DLEU7: variants seen among roughly 807,000 people sequenced by gnomAD.
DLEU7 encodes deleted in lymphocytic leukemia 7.
In DLEU7, 17 loss-of-function variants were observed where a neutral mutation model predicts 16.0. The observed-to-expected ratio is 1.06, with a 90% CI of 0.73 to 1.59. The LOEUF is 1.59. Ranked by LOEUF, DLEU7 falls within the 40% of genes most tolerant of loss-of-function variation. The pLI is 0.00. For synonymous variants in DLEU7, 113 were observed against 139.8 expected (o/e 0.81, Z 1.35); for missense variants, 308 against 314.9 (o/e 0.98, Z 0.17).
At chr13:50,807,643 G>A (rs1020297057) in intron 1 of DLEU7, among the ~76,000 whole-genome samples, 2 of 152,054 alleles carry the variant, frequency 1.3e-5, no homozygotes, top group African/African-American at 4.8e-5. Context: ...GTAAGGGGAA[G>A]AAAGAGGGAA....
chr13:50,789,363 A>G (rs538852111), intron 1 of DLEU7, among the ~76,000 whole-genome samples: 11 of 148,946 alleles, frequency 7.4e-5, no homozygotes, highest in African/African-American at 2.7e-4. Flanking sequence ...GACCTACACA[A>G]TGCAAACATT....
chr13:50,835,687 G>A (rs959907429), intron 1 of DLEU7, among the ~76,000 whole-genome samples: 13 of 152,186 alleles, frequency 8.5e-5, no homozygotes, highest in African/African-American at 2.9e-4. Flanking sequence ...CCTCAGCTCT[G>A]TTCTCTCCTA....
chr13:50,776,900 A>G (rs1468481861), intron 1 of DLEU7, among the ~76,000 whole-genome samples: 2 of 152,184 alleles, frequency 1.3e-5, no homozygotes, highest in Non-Finnish European at 2.9e-5. Context: ...TTGGTGGCTT[A>G]TAGGTTTTGC....
intron 1 of DLEU7, among the ~76,000 whole-genome samples, chr13:50,824,127 C>T (rs995177587): frequency 1.3e-5 from 2 of 152,140 alleles, no homozygotes; most frequent in Admixed American, 6.6e-5. Context: ...TCACTGTGTT[C>T]GGTAGTTCAG....
At chr13:50,823,929 T>G (rs964715359) in intron 1 of DLEU7, among the ~76,000 whole-genome samples, 2 of 152,208 alleles carry the variant, frequency 1.3e-5, no homozygotes, top group Non-Finnish European at 2.9e-5. Context: ...AGAGCCAGAT[T>G]CTAATCTAAT....
chr13:50,829,605 G>A (rs530227672), intron 1 of DLEU7, among the ~76,000 whole-genome samples: 1 of 152,270 alleles, frequency 6.6e-6, no homozygotes, highest in African/African-American at 2.4e-5. Flanking sequence ...GGGCTGTACT[G>A]GTCCCTGAGG....
At chr13:50,752,402 C>T (rs1874596908) in intron 1 of DLEU7, among the ~76,000 whole-genome samples, 2 of 151,298 alleles carry the variant, frequency 1.3e-5, no homozygotes, top group African/African-American at 2.4e-5. Flanking sequence ...TTCCACTTAG[C>T]ACCACCTTTG....
chr13:50,816,499 C>T (rs1167711021), intron 1 of DLEU7, among the ~76,000 whole-genome samples: 1 of 152,002 alleles, frequency 6.6e-6, no homozygotes, highest in Non-Finnish European at 1.5e-5. Context: ...GAATAGTTAG[C>T]CATAAAAACA....
intron 1 of DLEU7, among the ~76,000 whole-genome samples, chr13:50,750,209 T>C (rs971533036): frequency 2.6e-5 from 4 of 152,200 alleles, no homozygotes; most frequent in Non-Finnish European, 2.9e-5. Context: ...CCCCATTTTA[T>C]GTTTTTGTTT....
chr13:50,787,942 C>T (rs1194576805), intron 1 of DLEU7, among the ~76,000 whole-genome samples: 3 of 152,184 alleles, frequency 2.0e-5, no homozygotes. Context: ...CTGATGGATC[C>T]TCTGCTGTGA....
At chr13:50,835,960 C>T (rs1173921059) in intron 1 of DLEU7, among the ~76,000 whole-genome samples, 1 of 152,238 alleles carries the variant, frequency 6.6e-6, no homozygotes, top group Non-Finnish European at 1.5e-5. Context: ...CTGAAACCAA[C>T]ACCAGTGGAT....
intron 1 of DLEU7, among the ~76,000 whole-genome samples, chr13:50,825,145 T>G (rs2137803559): frequency 6.6e-6 from 1 of 152,272 alleles, no homozygotes; most frequent in East Asian, 1.9e-4. Context: ...AGTCAAATAA[T>G]TAGTCATCCT....
chr13:50,796,485 A>G (rs1053281417), intron 1 of DLEU7, among the ~76,000 whole-genome samples: 5 of 152,168 alleles, frequency 3.3e-5, no homozygotes, highest in African/African-American at 1.2e-4. Context: ...TCATCATGCT[A>G]CCAGAATGGC....
At chr13:50,711,065 A>C (rs778255095), downstream of DLEU7, 5 of 152,208 alleles carry the variant, frequency 3.3e-5, no homozygotes, top group African/African-American at 1.2e-4. Context: ...ATATATTTTT[A>C]AATTTCCATA....
chr13:50,775,456 C>G (rs1213209208), intron 1 of DLEU7, among the ~76,000 whole-genome samples: 2 of 152,208 alleles, frequency 1.3e-5, no homozygotes, highest in Admixed American at 1.3e-4. Context: ...TCCAAACTGT[C>G]TGCCTGCATT....
At chr13:50,760,492 G>A (rs1297165054) in intron 1 of DLEU7, among the ~76,000 whole-genome samples, 1 of 152,066 alleles carries the variant, frequency 6.6e-6, no homozygotes, top group Non-Finnish European at 1.5e-5. Flanking sequence ...CTCACAAGTC[G>A]CTAGGATTAC....
chr13:50,783,475 C>T (rs1018062442), intron 1 of DLEU7, among the ~76,000 whole-genome samples: 5 of 152,172 alleles, frequency 3.3e-5, no homozygotes, highest in Non-Finnish European at 5.9e-5. Flanking sequence ...CCATCTCACT[C>T]CAAGTTATAA....
intron 1 of DLEU7, among the ~76,000 whole-genome samples, chr13:50,817,588 G>A (rs1192630119): frequency 6.6e-6 from 1 of 152,112 alleles, no homozygotes; most frequent in African/African-American, 2.4e-5. Context: ...ACTCCTCTCA[G>A]ATAGATTTAC....
At chr13:50,798,574 C>T (rs150484239) in intron 1 of DLEU7, among the ~76,000 whole-genome samples, 106 of 152,228 alleles carry the variant, frequency 7.0e-4, no homozygotes, top group African/African-American at 2.5e-3. Context: ...GTGTGCAGGG[C>T]CTTGTCCAGC....
Sources: allele counts gnomAD v4.1 joint callset (sites outside exome capture counted in the v4.1 genomes callset), GRCh38; gene constraint gnomAD v4.1.1; transcripts MANE v1.5; gene names NCBI Gene and HGNC (gene_info 2026-07-23, HGNC 2026-07-21).